Variants in ADA observed in about 807,000 individuals in gnomAD.
ADA encodes adenosine deaminase, also known as adenosine aminohydrolase.
Under a neutral mutation model 49.0 loss-of-function variants are expected in ADA, and 45 were observed. The ratio of observed to expected loss-of-function variants is 0.92; its 90% CI spans 0.72 to 1.18. The LOEUF (loss-of-function observed/expected upper bound fraction) is 1.18. Among genes scored for constraint, ADA ranks in the 50% most tolerant of loss-of-function variants. The pLI, the probability that ADA is intolerant of heterozygous loss-of-function variation, is 0.00. For missense variants in ADA, 445 were observed against 472.5 expected (o/e 0.94, Z 0.54); for synonymous variants, 173 against 184.2 (o/e 0.94, Z 0.49).
chr20:44,633,915 C>T (rs866576489), intron 2 of ADA, among the ~76,000 whole-genome samples: 7 of 152,214 alleles, frequency 4.6e-5, no homozygotes, highest in Non-Finnish European at 4.4e-5. Context: ...CTCCTCCTTC[C>T]ATTCTTAGCC....
rs78435059 is a variant in ADA at position 44,624,333 on chromosome 20, T to C, written c.479-4A>G. ...TCCACCACCTTGGGGGACCAGTCTG[T>C]GGGCGAGATGCCCACCCAGGCTCTG... On this transcript the variant is annotated splice_region_variant and splice_polypyrimidine_tract_variant and intron_variant, in intron 5 of 11. Coordinates refer to ENST00000372874, the MANE Select transcript of ADA (RefSeq NM_000022.4). 3.7e-6 allele frequency: 6 copies of C among 1,613,050 alleles called. No homozygotes were observed. The highest frequency in any genetic ancestry group is 3.6e-4 in the Middle Eastern group (2 of 5,486).
At chr20:44,625,470 TG>T in intron 5 of ADA, 98 bp downstream of exon 5, 1 of 1,115,618 alleles carries the variant, frequency 9.0e-7, no homozygotes, top group Non-Finnish European at 1.3e-6. Flanking sequence ...CATGGGGCTG[TG>T]GGGCACAGGG....
chr20:44,641,115 T>C (rs1163782573), intron 1 of ADA, among the ~76,000 whole-genome samples: 2 of 152,120 alleles, frequency 1.3e-5, no homozygotes, highest in East Asian at 3.9e-4. Context: ...GGCAGAAACT[T>C]GTCCGTCGGG....
intron 3 of ADA, among the ~76,000 whole-genome samples, chr20:44,627,868 C>G (rs1444884313): frequency 6.6e-6 from 1 of 152,242 alleles, no homozygotes; most frequent in African/African-American, 2.4e-5. Context: ...TAGTCACCCT[C>G]TGACACCTAG....
At chr20:44,645,727 G>A (rs762699527) in intron 1 of ADA, among the ~76,000 whole-genome samples, 7 of 152,192 alleles carry the variant, frequency 4.6e-5, no homozygotes, top group Non-Finnish European at 1.0e-4. Context: ...TGTTTGAGAG[G>A]TGGGTATGGG....
In ADA at chr20:44,621,009, C is replaced by T; in HGVS notation, c.975+9G>A. On this transcript the variant is annotated intron_variant, in intron 10 of 11. Coordinates refer to ENST00000372874, the MANE Select transcript of ADA (RefSeq NM_000022.4). ...CGAGTCAAGGCCAGTATGGCTCACACCCACTCACCAGCCTTTTAAACTCCT... is the reference window on the plus strand; with the variant it reads ...CGAGTCAAGGCCAGTATGGCTCACATCCACTCACCAGCCTTTTAAACTCCT... 6.2e-7 allele frequency: 1 copy of T among 1,613,872 alleles called. No homozygotes were observed. Among genetic ancestry groups the T allele is most frequent in the Non-Finnish European group, 8.5e-7 (1 of 1,179,972 alleles).
At chr20:44,638,437 C>G (rs1010952240) in intron 1 of ADA, among the ~76,000 whole-genome samples, 1 of 151,964 alleles carries the variant, frequency 6.6e-6, no homozygotes, top group Non-Finnish European at 1.5e-5. Context: ...ATTAGCCAGG[C>G]GTGGTGGCGC....
At chr20:44,628,650 CAA>C (rs1006444140) in intron 3 of ADA, among the ~76,000 whole-genome samples, 2 of 152,094 alleles carry the variant, frequency 1.3e-5, no homozygotes, top group African/African-American at 4.8e-5. Flanking sequence ...CGACTCAAGA[CAA>C]GAAAAAGAAA....
At chr20:44,644,451 C>T (rs987652883) in intron 1 of ADA, among the ~76,000 whole-genome samples, 4 of 152,164 alleles carry the variant, frequency 2.6e-5, no homozygotes, top group Admixed American at 6.5e-5. Context: ...TGACCTGCCC[C>T]CATGGGACCT....
intron 5 of ADA, among the ~76,000 whole-genome samples, chr20:44,625,169 G>T (rs527246562): frequency 6.6e-6 from 1 of 152,204 alleles, no homozygotes; most frequent in Non-Finnish European, 1.5e-5. Context: ...TCTGATCTGC[G>T]TCAGTGACAA....
rs918790915 is a variant in ADA at position 44,621,152 on chromosome 20, A to G, written c.846-5T>C. 6.2e-7 allele frequency: 1 copy of G among 1,614,212 alleles called. No homozygotes were observed. Among genetic ancestry groups the G allele is most frequent in the Admixed American group, 1.7e-5 (1 of 60,014 alleles). ...TTAGCCTGGTCATTTTTGAGCCTGC[A>G]GAAGAGGGAGGAGGAGAGAATCAGC... On this transcript the variant is annotated splice_region_variant and splice_polypyrimidine_tract_variant and intron_variant, in intron 9 of 11. Transcript: ENST00000372874.
At chr20:44,640,548 A>G (rs2065522496) in intron 1 of ADA, among the ~76,000 whole-genome samples, 2 of 151,076 alleles carry the variant, frequency 1.3e-5, no homozygotes, top group Admixed American at 1.3e-4. Flanking sequence ...GGTACCTATA[A>G]TCCCAGCTAC....
At chr20:44,624,855 G>A (rs150247686) in intron 5 of ADA, among the ~76,000 whole-genome samples, 186 of 152,320 alleles carry the variant, frequency 1.2e-3, no homozygotes, top group Middle Eastern at 0.01. Flanking sequence ...GATGTCCCCG[G>A]ATACAAATCC....
chr20:44,619,978 A>T (rs1320160168), intron 11 of ADA, 131 bp from the exon 12 acceptor site: 2 of 1,250,462 alleles, frequency 1.6e-6, no homozygotes, highest in East Asian at 2.5e-5. Flanking sequence ...TGCCAAGACC[A>T]CATAGGAAGA....
rs394105 is a variant in ADA at position 44,636,286 on chromosome 20, C to T, written c.36G>A (p.Val12=). ...ATCCGTCTAGGTGGACATGCAGTTC[C>T]ACCTGCAAGGGGGCAGGGGGAAGAG... is the stretch of plus-strand genomic sequence containing the variant. The part of the protein sequence containing the change: ...AQTPAFDKPK[V]ELHVHLDGSI... The change falls in exon 2 of 12, where the codon GTG becomes GTA. Residue 12 remains valine, a splice_region_variant and synonymous_variant. Coordinates refer to ENST00000372874, the MANE Select transcript of ADA (RefSeq NM_000022.4). 1,600,550 of 1,605,098 alleles carry T rather than the reference C, an allele frequency of 1. 798,115 individuals carry two copies. Among genetic ancestry groups the T allele is most frequent in the East Asian group, 1 (44,794 of 44,794 alleles).
chr20:44,636,282 G>T lies in ADA; in HGVS notation c.40C>A (p.Leu14Met). The T allele has an allele frequency of 1.9e-6, 3 of 1,607,280 alleles. No individual in the cohort carries two copies. Among genetic ancestry groups the T allele is most frequent in the Non-Finnish European group, 2.6e-6 (3 of 1,176,202 alleles). The change falls in exon 2 of 12, where the codon CTG becomes ATG. Residue 14 changes from leucine (L) to methionine (M), a missense_variant. Physicochemically the swap from Leu to Met is conservative, Grantham distance 15. Transcript: ENST00000372874. ...ATGGATCCGTCTAGGTGGACATGCA[G>T]TTCCACCTGCAAGGGGGCAGGGGGA... ...TPAFDKPKVELHVHLDGSIKP... is the reference protein window; with the variant it reads ...TPAFDKPKVEMHVHLDGSIKP...
At chr20:44,624,053 A>T (rs2065358839) in intron 6 of ADA, 149 bp downstream of exon 6, 1 of 1,152,324 alleles carries the variant, frequency 8.7e-7, no homozygotes. Flanking sequence ...GCCCAGGGGG[A>T]TTCCAGTTCC....
intron 2 of ADA, among the ~76,000 whole-genome samples, chr20:44,632,957 G>A (rs879687691): frequency 2.0e-5 from 3 of 152,250 alleles, no homozygotes; most frequent in Admixed American, 2.0e-4. Context: ...GCCTCCCAAA[G>A]TGCTGGGATT....
At chr20:44,629,765 G>A (rs2065416766) in intron 2 of ADA, among the ~76,000 whole-genome samples, 1 of 152,152 alleles carries the variant, frequency 6.6e-6, no homozygotes, top group African/African-American at 2.4e-5. Context: ...TCCCCTCCCT[G>A]CCCACAGCCG....
Sources: allele counts gnomAD v4.1 joint callset (sites outside exome capture counted in the v4.1 genomes callset), GRCh38; gene constraint gnomAD v4.1.1; transcripts MANE v1.5; gene names NCBI Gene and HGNC (gene_info 2026-07-23, HGNC 2026-07-21).